The following IFT22 variants were observed in gnomAD, a reference collection of about 807,000 sequenced individuals.
IFT22 encodes intraflagellar transport 22.
In IFT22, 13 loss-of-function variants were observed where a neutral mutation model predicts 21.0. That is an observed-to-expected ratio of 0.62 (90% CI 0.40 to 0.98). IFT22 has a LOEUF of 0.98. IFT22 is among the 50% of genes least tolerant of loss of function. IFT22 has a pLI of 0.00. For missense variants in IFT22, 227 were observed against 228.9 expected (o/e 0.99, Z 0.06); for synonymous variants, 67 against 82.4 (o/e 0.81, Z 1.01).
At chr7:101,319,202 C>G in intron 1 of IFT22, 170 bp from the exon 2 acceptor site, 1 of 618,148 alleles carries the variant, frequency 1.6e-6, no homozygotes, top group Non-Finnish European at 3.0e-6. Flanking sequence ...GCAGTGGGCA[C>G]AGCCTGGTCT....
rs773854204 is a variant in IFT22, at chr7:101,321,685, C to A, written c.25G>T (p.Val9Leu). The A allele has an allele frequency of 1.9e-6, 3 of 1,603,658 alleles. No homozygotes were observed. Among genetic ancestry groups the A allele is most frequent in the South Asian group, 2.2e-5 (2 of 89,536 alleles). ...CCAGGACTTACCTCGCAAGGCCCCA[C>A]GAAGAGGATCTTGGCTTTCAGCATA... Reference protein sequence around the residue: MLKAKILFVGPCESGKTVL... With the variant: MLKAKILFLGPCESGKTVL... The change falls in exon 1 of 5, where the codon GTG becomes TTG. Residue 9 changes from valine (V) to leucine (L), a missense_variant. Transcript: ENST00000315322.
rs1790111481 is a variant in IFT22, at chr7:101,315,267, T to C, written c.425A>G (p.Lys142Arg). The change falls in exon 5 of 5, where the codon AAG (lysine) becomes AGG (arginine). Residue 142 changes from lysine (K) to arginine (R), a missense_variant. Lys to Arg is a conservative substitution (Grantham distance 26). Transcript: ENST00000315322. The stretch of plus-strand genomic sequence containing the variant: ...CAGGTTTGAGTGCACCAGCTTCAGC[T>C]TGTTCAAGGGTGGCGCTTGAAAATG... ...GSLSLSPPLNKLKLVHSNLED... is the reference protein window; with the variant it reads ...GSLSLSPPLNRLKLVHSNLED... 1 of 1,614,036 alleles carries C rather than the reference T, an allele frequency of 6.2e-7. No individual in the cohort carries two copies. The highest frequency in any genetic ancestry group is 1.7e-5 in the Admixed American group (1 of 59,998).
In IFT22 at chr7:101,313,208, G is replaced by A. The variant is rs745564488; in HGVS notation, c.*1926C>T. Among the ~76,000 whole-genome samples the A allele has an allele frequency of 5.3e-5, 8 of 151,776 alleles. No individual in the cohort carries two copies. Among genetic ancestry groups the A allele is most frequent in the East Asian group, 3.9e-4 (2 of 5,176 alleles). On this transcript the variant is annotated 3_prime_UTR_variant, in exon 5 of 5. Coordinates refer to ENST00000315322, the MANE Select transcript of IFT22 (RefSeq NM_022777.4). Reference sequence around the variant, plus strand: ...ACAGGTGTGTGCCAACATGCCTGGCGAATTTTTGTATTTTTAGTAGAGATG... The same window carrying A: ...ACAGGTGTGTGCCAACATGCCTGGCAAATTTTTGTATTTTTAGTAGAGATG...
chr7:101,312,959 A>G lies in IFT22; in HGVS notation c.*2175T>C, dbSNP rs1790020080. Reference sequence around the variant, plus strand: ...AGCGATTCTCCTGCCTCAGCTTCCCAGGTAGCTGGGATTACAGGCACGTGC... The same window carrying G: ...AGCGATTCTCCTGCCTCAGCTTCCCGGGTAGCTGGGATTACAGGCACGTGC... On this transcript the variant is annotated 3_prime_UTR_variant, in exon 5 of 5. Coordinates refer to ENST00000315322, the MANE Select transcript of IFT22 (RefSeq NM_022777.4). 6.6e-6 allele frequency among the ~76,000 whole-genome samples: 1 copy of G among 151,430 alleles called. No individual in the cohort carries two copies. Among genetic ancestry groups the G allele is most frequent in the African/African-American group, 2.4e-5 (1 of 41,130 alleles).
Position 101,315,263 on chromosome 7 carries a change from C to T in IFT22, c.429G>A (p.Leu143=), listed in dbSNP as rs778528998. 20 of 1,614,022 alleles carry T rather than the reference C, an allele frequency of 1.2e-5. No homozygotes were observed. The highest frequency in any genetic ancestry group is 1.5e-5 in the Non-Finnish European group (18 of 1,180,046). Residue 143 remains leucine (L), a synonymous_variant, in exon 5 of 5, where the codon CTG becomes CTA. Coordinates refer to ENST00000315322, the MANE Select transcript of IFT22 (RefSeq NM_022777.4). ...SLSLSPPLNK[L]KLVHSNLEDD... ...CTTCCAGGTTTGAGTGCACCAGCTTCAGCTTGTTCAAGGGTGGCGCTTGAA... is the reference window on the plus strand; with the variant it reads ...CTTCCAGGTTTGAGTGCACCAGCTTTAGCTTGTTCAAGGGTGGCGCTTGAA...
rs1354743400 is a variant in IFT22, at chr7:101,321,732, G to T, written c.-23C>A. ...CATAGTTGTCCGCCGCGGCTTAGCC[G>T]GCCGGAGCCCACGGGAGGCGGCGCG... On this transcript the variant is annotated 5_prime_UTR_variant, in exon 1 of 5. Transcript: ENST00000315322. 5 of 1,586,398 alleles carry T rather than the reference G, an allele frequency of 3.2e-6. No homozygotes were observed. Among genetic ancestry groups the T allele is most frequent in the Admixed American group, 1.8e-5 (1 of 55,626 alleles).
chr7:101,316,618 T>C (rs1184390104), intron 3 of IFT22, 76 bp from the exon 4 acceptor site: 2 of 1,483,398 alleles, frequency 1.3e-6, no homozygotes, highest in African/African-American at 1.4e-5. Flanking sequence ...AAAGAATATC[T>C]TAGTATTAAA....
chr7:101,316,531 C>A lies in IFT22; in HGVS notation c.218G>T (p.Cys73Phe). 6.2e-7 allele frequency: 1 copy of A among 1,614,046 alleles called. No individual in the cohort carries two copies. Among genetic ancestry groups the A allele is most frequent in the Non-Finnish European group, 8.5e-7 (1 of 1,180,012 alleles). The change falls in exon 4 of 5, where the codon TGC becomes TTC. Residue 73 changes from cysteine (C) to phenylalanine (F), a missense_variant. Transcript: ENST00000315322. ...DCGGDAKFES[C>F]WPALMKDAHG... ...AGCATCCTTCATCAGGGCCGGCCAG[C>A]AGGACTCAAACCTGCGAGGAAGAAA...
In IFT22 at chr7:101,316,651, G is replaced by A. The variant is rs1246215599; in HGVS notation, c.207-109C>T. The A allele has an allele frequency of 8.3e-6, 9 of 1,085,104 alleles. No individual in the cohort carries two copies. In the Admixed American group the frequency reaches 1.1e-4, roughly 13 times the overall value. The allele number at this position is 1,085,104 out of a possible 1,614,324, so 67.2% of individuals were successfully genotyped here. Reference sequence around the variant, plus strand: ...AAAAGTTGGTCTATGACGGCTGGGCGTGGTGGCTCACACCTGTAATCCCAG... The same window carrying A: ...AAAAGTTGGTCTATGACGGCTGGGCATGGTGGCTCACACCTGTAATCCCAG... On this transcript the variant is annotated intron_variant, in intron 3 of 4. Transcript: ENST00000315322.
At position 101,310,963 on chromosome 7, in the gene IFT22, T is replaced by G. The variant is rs763573322; in HGVS notation, c.*4171A>C. 5 of 312,540 alleles carry G rather than the reference T, an allele frequency of 1.6e-5. No homozygotes were observed. The highest frequency in any genetic ancestry group is 6.4e-6 in the Non-Finnish European group (1 of 155,722). 19.4% of individuals were successfully genotyped at this position (312,540 alleles called of 1,614,324 possible). On this transcript the variant is annotated 3_prime_UTR_variant, in exon 5 of 5. Coordinates refer to ENST00000315322, the MANE Select transcript of IFT22 (RefSeq NM_022777.4). ...ATTTAATGGGTTGTACTCTGGCCAT[T>G]CAGGTGAACAAAATCTGCTGGGTTA...
In IFT22 at chr7:101,316,328, C is replaced by T. The variant is rs1790147798; in HGVS notation, c.409+12G>A. On this transcript the variant is annotated intron_variant, in intron 4 of 4. Coordinates refer to ENST00000315322, the MANE Select transcript of IFT22 (RefSeq NM_022777.4). ...CAAGACAAAAGAGGAAGAGAAATTCCAGTTTCCTTACACAAAGACAGGCTT... is the reference window on the plus strand; with the variant it reads ...CAAGACAAAAGAGGAAGAGAAATTCTAGTTTCCTTACACAAAGACAGGCTT... 1 of 1,613,338 alleles carries T rather than the reference C, an allele frequency of 6.2e-7. No homozygotes were observed. Among genetic ancestry groups the T allele is most frequent in the African/African-American group, 1.3e-5 (1 of 74,912 alleles).
At position 101,318,168 on chromosome 7, in the gene IFT22, G is replaced by A; in HGVS notation, c.162C>T (p.Gly54=). The part of the protein sequence containing the change: ...ENPHVTSNNK[G]TGCEFELWDC... ...CCCATAGCTCGAATTCACAGCCCGT[G>A]CCTTTGTTGTTGCTGGTAACATGCG... The change falls in exon 3 of 5, where the codon GGC becomes GGT. Residue 54 remains glycine (G), a synonymous_variant. Coordinates refer to ENST00000315322, the MANE Select transcript of IFT22 (RefSeq NM_022777.4). The A allele has an allele frequency of 6.2e-7, 1 of 1,613,632 alleles. No individual in the cohort carries two copies. Among genetic ancestry groups the A allele is most frequent in the Non-Finnish European group, 8.5e-7 (1 of 1,179,658 alleles).
In IFT22 at chr7:101,321,724, G is replaced by A; in HGVS notation, c.-15C>T. On this transcript the variant is annotated 5_prime_UTR_variant, in exon 1 of 5. Transcript: ENST00000315322. ...GCTTTCAGCATAGTTGTCCGCCGCG[G>A]CTTAGCCGGCCGGAGCCCACGGGAG... The A allele has an allele frequency of 1.3e-6, 2 of 1,590,970 alleles. No homozygotes were observed. Among genetic ancestry groups the A allele is most frequent in the Admixed American group, 3.5e-5 (2 of 56,448 alleles).
intron 3 of IFT22, among the ~76,000 whole-genome samples, chr7:101,317,824 T>G (rs377724603): frequency 5.1e-4 from 78 of 152,182 alleles, no homozygotes; most frequent in African/African-American, 1.8e-3. Context: ...TCAAGCAACC[T>G]CCGCTTGAAC....
At chr7:101,315,413 G>A (rs1188224683) in intron 4 of IFT22, 131 bp from the exon 5 acceptor site, 5 of 986,168 alleles carry the variant, frequency 5.1e-6, no homozygotes, top group South Asian at 4.4e-5. Flanking sequence ...TGACACCAGA[G>A]AACAGAGAAT....
In IFT22 at chr7:101,318,974, C is replaced by A; in HGVS notation, c.98G>T (p.Ser33Ile). 2 of 1,613,836 alleles carry A rather than the reference C, an allele frequency of 1.2e-6. No homozygotes were observed. The highest frequency in any genetic ancestry group is 1.7e-6 in the Non-Finnish European group (2 of 1,179,790). The change falls in exon 2 of 5, where the codon AGC becomes ATC. Residue 33 changes from serine to isoleucine, a missense_variant. Physicochemically the swap from Ser to Ile is moderately radical, Grantham distance 142. Coordinates refer to ENST00000315322, the MANE Select transcript of IFT22 (RefSeq NM_022777.4). The stretch of plus-strand genomic sequence containing the variant: ...GGCTCACCTCACTCCTTGGGTTGGG[C>A]TGTATTCAGTGATGTCAGAAGATTC... ...LTESSDITEY[S>I]PTQGVRILEF... is the part of the protein sequence containing the mutation.
rs960619275 is a variant in IFT22 at position 101,315,138 on chromosome 7, G to T, written c.554C>A (p.Thr185Asn). Residue 185 changes from threonine to asparagine, a missense_variant, in exon 5 of 5, where the codon ACC (threonine) becomes AAC (asparagine). Transcript: ENST00000315322. ...SRDREEMSIM[T>N] The stretch of plus-strand genomic sequence containing the variant: ...GCAGTCCCAGGTGAAGGCTGGCTAG[G>T]TCATAATTGACATCTCCTCCCTGTC... 6.2e-7 allele frequency: 1 copy of T among 1,613,270 alleles called. No individual in the cohort carries two copies. The highest frequency in any genetic ancestry group is 8.5e-7 in the Non-Finnish European group (1 of 1,179,814).
chr7:101,315,157 C>A lies in IFT22; in HGVS notation c.535G>T (p.Glu179Ter). ...GGCTAGGTCATAATTGACATCTCCT[C>A]CCTGTCTCTGCTCTCAGACATGGAG... Reference protein sequence around the residue: ...INSMSESRDREEMSIMT With the variant: ...INSMSESRDR The change falls in exon 5 of 5, where the codon GAG (glutamate) becomes TAG (stop). Residue 179 changes from glutamate (E) to a stop codon, truncating the protein, a stop_gained. Coordinates refer to ENST00000315322, the MANE Select transcript of IFT22 (RefSeq NM_022777.4). LOFTEE classifies it high-confidence loss of function. The A allele has an allele frequency of 6.2e-7, 1 of 1,613,894 alleles. No individual in the cohort carries two copies. Among genetic ancestry groups the A allele is most frequent in the Non-Finnish European group, 8.5e-7 (1 of 1,179,968 alleles).
intron 2 of IFT22, 29 bp downstream of exon 2, chr7:101,318,927 C>G: frequency 6.3e-7 from 1 of 1,575,090 alleles, no homozygotes; most frequent in Non-Finnish European, 8.7e-7. Context: ...CAGTTGGACA[C>G]TCTGGGACAC....
Sources: allele counts gnomAD v4.1 joint callset (sites outside exome capture counted in the v4.1 genomes callset), GRCh38; gene constraint gnomAD v4.1.1; transcripts MANE v1.5; gene names NCBI Gene and HGNC (gene_info 2026-07-23, HGNC 2026-07-21).